Variants in TAF3 observed in about 807,000 individuals in gnomAD.
TAF3 encodes transcription initiation factor TFIID subunit 3.
In TAF3, 7 loss-of-function variants were observed where a neutral mutation model predicts 80.6. The observed-to-expected ratio is 0.09, with a 90% CI of 0.05 to 0.16. The LOEUF is 0.16. Among genes scored for constraint, TAF3 ranks in the 10% least tolerant of loss-of-function variants. The pLI, the probability that TAF3 is intolerant of heterozygous loss-of-function variation, is 1.00. For synonymous variants in TAF3, 444 were observed against 446.1 expected, an observed-to-expected ratio of 1.00 and a Z score of 0.06; for missense variants, 921 against 1,140.2, an observed-to-expected ratio of 0.81 and a Z score of 2.77.
chr10:7,824,803 AAACAGTG>A (rs1280739091), intron 2 of TAF3, among the ~76,000 whole-genome samples: 4 of 152,246 alleles, frequency 2.6e-5, no homozygotes, highest in Non-Finnish European at 5.9e-5. Flanking sequence ...AAGTAGAGGA[AAACAGTG>A]AAGCCAAAGA....
At chr10:7,984,030 C>G (rs1831753537) in intron 4 of TAF3, among the ~76,000 whole-genome samples, 1 of 151,812 alleles carries the variant, frequency 6.6e-6, no homozygotes, top group Non-Finnish European at 1.5e-5. Flanking sequence ...AGTGAAATTC[C>G]TAGGCTCTGA....
chr10:7,924,143 T>C (rs1051882038), intron 2 of TAF3, among the ~76,000 whole-genome samples: 3 of 152,204 alleles, frequency 2.0e-5, no homozygotes, highest in Non-Finnish European at 2.9e-5. Flanking sequence ...ACATCATTCT[T>C]AGACAGTGTT....
intron 4 of TAF3, among the ~76,000 whole-genome samples, chr10:7,980,334 C>T (rs1283561536): frequency 6.6e-6 from 1 of 152,184 alleles, no homozygotes; most frequent in Non-Finnish European, 1.5e-5. Context: ...GCAGTTATGT[C>T]TTCTGCCCTT....
chr10:7,915,018 G>T (rs1381651460), intron 2 of TAF3, among the ~76,000 whole-genome samples: 4 of 138,518 alleles, frequency 2.9e-5, no homozygotes, highest in African/African-American at 1.1e-4. Flanking sequence ...TTGGCTTACT[G>T]CAAGCTCCGC....
At chr10:7,891,356 A>C (rs1837455726) in intron 2 of TAF3, among the ~76,000 whole-genome samples, 2 of 152,248 alleles carry the variant, frequency 1.3e-5, no homozygotes, top group East Asian at 1.9e-4. Context: ...AATTTTGTGC[A>C]TATAGCCACT....
chr10:8,001,257 C>G (rs572222439), intron 4 of TAF3, among the ~76,000 whole-genome samples: 2 of 152,284 alleles, frequency 1.3e-5, no homozygotes, highest in African/African-American at 2.4e-5. Context: ...CCAACCATCT[C>G]TCCCTTTCCC....
chr10:7,956,255 C>T (rs886936656), intron 2 of TAF3, among the ~76,000 whole-genome samples: 1 of 151,962 alleles, frequency 6.6e-6, no homozygotes, highest in African/African-American at 2.4e-5. Flanking sequence ...TTTGAGGGGC[C>T]GAGGTGGGCA....
intron 2 of TAF3, among the ~76,000 whole-genome samples, chr10:7,954,883 T>C (rs749921344): frequency 3.2e-4 from 37 of 115,738 alleles, no homozygotes; most frequent in Non-Finnish European, 3.9e-4. Flanking sequence ...GTGAATTAGT[T>C]CTAGTTAACA....
At chr10:7,836,985 G>C (rs1353896445) in intron 2 of TAF3, among the ~76,000 whole-genome samples, 1 of 152,118 alleles carries the variant, frequency 6.6e-6, no homozygotes, top group East Asian at 1.9e-4. Flanking sequence ...CCCAGCACTT[G>C]GGAGGCCAAG....
intron 2 of TAF3, among the ~76,000 whole-genome samples, chr10:7,861,306 C>G (rs1018974428): frequency 6.6e-6 from 1 of 152,032 alleles, no homozygotes; most frequent in Non-Finnish European, 1.5e-5. Flanking sequence ...TGGGGTTTCA[C>G]TATCTTGGCC....
intron 2 of TAF3, among the ~76,000 whole-genome samples, chr10:7,845,517 C>T (rs887408147): frequency 6.6e-6 from 1 of 152,104 alleles, no homozygotes; most frequent in African/African-American, 2.4e-5. Flanking sequence ...TTCTGTTAGT[C>T]ACGAAAGGGT....
Position 7,977,231 on chromosome 10 carries a change from A to C in TAF3, c.2233-10A>C, listed in dbSNP as rs201912372. The C allele has an allele frequency of 1.7e-4, 281 of 1,613,836 alleles. No individual in the cohort carries two copies. In the African/African-American group the frequency reaches 3.2e-3, roughly 18 times the overall value. On this transcript the variant is annotated splice_polypyrimidine_tract_variant and intron_variant, in intron 3 of 6. Coordinates refer to ENST00000344293, the MANE Select transcript of TAF3 (RefSeq NM_031923.4). ...AACCATATTGAACTTTAATGTGCTA[A>C]CTTCCACAGATAAAAGTGGAACCAG...
chr10:7,973,982 G>C (rs1238255959), intron 3 of TAF3, among the ~76,000 whole-genome samples: 2 of 152,076 alleles, frequency 1.3e-5, no homozygotes, highest in Non-Finnish European at 2.9e-5. Context: ...ACAAAAAGTA[G>C]CCGGGCATGG....
chr10:7,827,342 T>C (rs569892650), intron 2 of TAF3, among the ~76,000 whole-genome samples: 2 of 152,256 alleles, frequency 1.3e-5, no homozygotes, highest in African/African-American at 4.8e-5. Context: ...TGTTAACACA[T>C]TTATATAAAA....
intron 2 of TAF3, among the ~76,000 whole-genome samples, chr10:7,947,786 G>A (rs890163849): frequency 3.3e-5 from 5 of 152,174 alleles, no homozygotes; most frequent in African/African-American, 1.2e-4. Flanking sequence ...GTGACAGGAA[G>A]CACTGGAGGC....
At chr10:7,904,366 T>A (rs1269799798) in intron 2 of TAF3, among the ~76,000 whole-genome samples, 1 of 152,174 alleles carries the variant, frequency 6.6e-6, no homozygotes, top group Non-Finnish European at 1.5e-5. Flanking sequence ...TGAAATGAAA[T>A]GATCTTTGAT....
intron 2 of TAF3, among the ~76,000 whole-genome samples, chr10:7,913,725 A>T (rs891959140): frequency 6.6e-6 from 1 of 152,198 alleles, no homozygotes; most frequent in Non-Finnish European, 1.5e-5. Context: ...GACATCACTG[A>T]AAGTGAGACA....
chr10:7,852,776 A>G (rs1477898872), intron 2 of TAF3, among the ~76,000 whole-genome samples: 1 of 152,212 alleles, frequency 6.6e-6, no homozygotes, highest in Non-Finnish European at 1.5e-5. Flanking sequence ...CACAAGCTGG[A>G]GTGCTTCTAT....
intron 2 of TAF3, among the ~76,000 whole-genome samples, chr10:7,927,956 G>T (rs1837830826): frequency 8.1e-6 from 1 of 123,476 alleles, no homozygotes; most frequent in South Asian, 2.7e-4. Flanking sequence ...TCTGGACATT[G>T]TTTTTTTGCT....
Sources: gnomAD v4.1 joint callset for allele counts (sites outside exome capture counted in the v4.1 genomes callset) on GRCh38, gnomAD v4.1.1 for gene constraint, MANE v1.5 for transcripts, NCBI Gene and HGNC (gene_info 2026-07-23, HGNC 2026-07-21) for gene names.